Variants in ABCG1 observed in about 807,000 individuals in gnomAD.
ABCG1 encodes ATP-binding cassette sub-family G member 1.
Under a neutral mutation model 69.2 loss-of-function variants are expected in ABCG1, and 29 were observed. The ratio of observed to expected loss-of-function variants is 0.42; its 90% CI spans 0.31 to 0.57. The LOEUF is 0.57. Ranked by LOEUF, ABCG1 falls within the 20% of genes least tolerant of loss-of-function variation. ABCG1 has a pLI of 0.15. For synonymous variants in ABCG1, 370 were observed against 374.8 expected, an observed-to-expected ratio of 0.99 and a Z score of 0.15; for missense variants, 718 against 898.1, an observed-to-expected ratio of 0.80 and a Z score of 2.56.
chr21:42,201,644 G>A, exon 2 of ABCG1: 1 of 1,596,606 alleles, frequency 6.3e-7, no homozygotes, highest in Non-Finnish European at 8.5e-7. Context: ...AGACATCAGG[G>A]ATCACCGACT....
intron 2 of ABCG1, among the ~76,000 whole-genome samples, chr21:42,243,152 A>C (rs538314617): frequency 6.6e-6 from 1 of 152,272 alleles, no homozygotes; most frequent in East Asian, 1.9e-4. Context: ...TGGCCTTCAA[A>C]GTCAGCTTTC....
At position 42,255,197 on chromosome 21, in the gene ABCG1, C is replaced by G. The variant is rs905108418; in HGVS notation, c.287-15873C>G. Among the ~76,000 whole-genome samples, 7 of 152,190 alleles carry G rather than the reference C, an allele frequency of 4.6e-5. No individual in the cohort carries two copies. In the East Asian group the frequency reaches 1.3e-3, roughly 29 times the overall value. ...TTTCAGTACCTGCGCAGGGGCAGGGCCCCGTTGCTAGTGATCTGATGAACT... is the reference window on the plus strand; with the variant it reads ...TTTCAGTACCTGCGCAGGGGCAGGGGCCCGTTGCTAGTGATCTGATGAACT... On this transcript the variant is annotated intron_variant, in intron 2 of 14. Transcript: ENST00000398449.
upstream of ABCG1, among the ~76,000 whole-genome samples, chr21:42,217,816 A>G (rs542577417): frequency 1.5e-4 from 23 of 148,914 alleles, no homozygotes; most frequent in African/African-American, 4.2e-4. Flanking sequence ...CTCAGCCTAC[A>G]TAGTAGCTGG....
At chr21:42,237,974 A>G (rs909002744) in intron 2 of ABCG1, among the ~76,000 whole-genome samples, 7 of 152,230 alleles carry the variant, frequency 4.6e-5, no homozygotes, top group African/African-American at 1.4e-4. Flanking sequence ...GGCTGATCCA[A>G]GTGCCAAACT....
chr21:42,207,783 A>T (rs2067554776), intron 2 of ABCG1, among the ~76,000 whole-genome samples: 1 of 152,296 alleles, frequency 6.6e-6, no homozygotes, highest in African/African-American at 2.4e-5. Context: ...ATACCTCCCT[A>T]GCTGGGGGAG....
Position 42,235,390 on chromosome 21 carries a change from T to G in ABCG1, c.286+9476T>G, listed in dbSNP as rs915124289. Among the ~76,000 whole-genome samples, 67 of 151,970 alleles carry G rather than the reference T, an allele frequency of 4.4e-4. 1 individual carries two copies. Among genetic ancestry groups the G allele is most frequent in the African/African-American group, 1.6e-3 (66 of 41,360 alleles). ...CAGACTCCAGTTTAAATCAGAGAGGTGTGTCCACGAAAAGAGTCAAACTAA... is the reference window on the plus strand; with the variant it reads ...CAGACTCCAGTTTAAATCAGAGAGGGGTGTCCACGAAAAGAGTCAAACTAA... On this transcript the variant is annotated intron_variant, in intron 2 of 14. Transcript: ENST00000398449.
chr21:42,213,300 C>A (rs1417305015), upstream of ABCG1, among the ~76,000 whole-genome samples: 2 of 152,256 alleles, frequency 1.3e-5, no homozygotes, highest in African/African-American at 4.8e-5. Context: ...TCGGCACCTG[C>A]TGCAGTGTGT....
At position 42,200,448 on chromosome 21, in the gene ABCG1, C is replaced by G. The variant is rs78369129; in HGVS notation, c.-100+599C>G. ...GGAAGTGTGGGGCTTTGATTTGCAA[C>G]CTTTTTACGTGCAGTCTTCATATAT... On this transcript the variant is annotated intron_variant, in intron 1 of 15. Coordinates refer to the ABCG1 transcript ENST00000398457. Among the ~76,000 whole-genome samples, 4 of 152,246 alleles carry G rather than the reference C, an allele frequency of 2.6e-5. No homozygotes were observed. The South Asian group carries it at 8.3e-4, about 32-fold the overall frequency.
chr21:42,210,057 G>GCGC (rs1569200690), intron 2 of ABCG1, among the ~76,000 whole-genome samples: 1 of 151,756 alleles, frequency 6.6e-6, no homozygotes. Context: ...CACTTCCTTC[G>GCGC]TCTCCGGCTC....
At position 42,291,019 on chromosome 21, in the gene ABCG1, C is replaced by G. The variant is rs563741326; in HGVS notation, c.1394-73C>G. 2.7e-6 allele frequency: 3 copies of G among 1,115,332 alleles called. No individual in the cohort carries two copies. Among genetic ancestry groups the G allele is most frequent in the East Asian group, 2.4e-5 (1 of 41,858 alleles). 69.1% of individuals were successfully genotyped at this position (1,115,332 alleles called of 1,614,324 possible). ...GGTTACCAGCCGCTCAGCTCAAGAT[C>G]GCCTGTTGGGATGTTAAACGGGCTC... On this transcript the variant is annotated intron_variant, in intron 11 of 14. Transcript: ENST00000398449. This position sits in a 1 kb window ranked among gnomAD's most constrained non-coding sequence, Gnocchi z 6.4.
intron 2 of ABCG1, among the ~76,000 whole-genome samples, chr21:42,266,757 T>C (rs140371597): frequency 6.6e-6 from 1 of 152,262 alleles, no homozygotes; most frequent in East Asian, 1.9e-4. Context: ...CTTTCTAGGG[T>C]AATTAAGACT....
rs1280894513 is a variant in ABCG1 at position 42,288,206 on chromosome 21, C to T, written c.1123-5C>T. On this transcript the variant is annotated splice_region_variant and splice_polypyrimidine_tract_variant and intron_variant, in intron 9 of 14. Transcript: ENST00000398449. This position sits in a 1 kb window ranked among gnomAD's most constrained non-coding sequence, Gnocchi z 4.8. The stretch of plus-strand genomic sequence containing the variant: ...CACCCGCTCCCCTCTTGCGTGTGTC[C>T]TCAGGACTCCTCGTCCATGGAAGGC... 32 of 1,613,986 alleles carry T rather than the reference C, an allele frequency of 2.0e-5. No homozygotes were observed. The Admixed American group carries it at 3.3e-4, about 17-fold the overall frequency.
At chr21:42,266,618 A>G (rs558373557) in intron 2 of ABCG1, among the ~76,000 whole-genome samples, 58 of 152,248 alleles carry the variant, frequency 3.8e-4, no homozygotes, top group African/African-American at 1.2e-3. Context: ...GCACTCTTCT[A>G]TCCTCCTCCC....
intron 2 of ABCG1, among the ~76,000 whole-genome samples, chr21:42,241,034 A>G (rs1361359551): frequency 1.3e-5 from 2 of 152,248 alleles, no homozygotes; most frequent in African/African-American, 4.8e-5. Flanking sequence ...GAGGCTTGGG[A>G]TCTGGAATGG....
chr21:42,267,969 C>T lies in ABCG1; in HGVS notation c.287-3101C>T, dbSNP rs186555821. 9.9e-4 allele frequency among the ~76,000 whole-genome samples: 150 copies of T among 152,076 alleles called. 1 individual carries two copies. The highest frequency in any genetic ancestry group is 3.4e-3 in the Middle Eastern group (1 of 294). ...CTGTCTAAGTTCTGGTCTGGCTGTT[C>T]TAGTCTGCGGCTCTGGTCTGGCCTG... On this transcript the variant is annotated intron_variant, in intron 2 of 14. Coordinates refer to ENST00000398449, the MANE Select transcript of ABCG1 (RefSeq NM_016818.3).
intron 4 of ABCG1, among the ~76,000 whole-genome samples, chr21:42,275,995 CCG>C (rs1569231951): frequency 7.2e-6 from 1 of 139,330 alleles, no homozygotes; most frequent in Non-Finnish European, 1.6e-5. Flanking sequence ...GCCCCACACC[CCG>C]CCCCCCTCCC....
At chr21:42,237,301 C>T (rs1295392327) in intron 2 of ABCG1, among the ~76,000 whole-genome samples, 2 of 152,228 alleles carry the variant, frequency 1.3e-5, no homozygotes, top group Middle Eastern at 3.2e-3. Flanking sequence ...CCCAGCCCTG[C>T]GTCTCCGCAG....
At chr21:42,207,569 G>A (rs1168380732) in intron 2 of ABCG1, among the ~76,000 whole-genome samples, 1 of 152,180 alleles carries the variant, frequency 6.6e-6, no homozygotes, top group African/African-American at 2.4e-5. Flanking sequence ...CTTTGCATTG[G>A]CATGCATTGA....
chr21:42,275,607 A>C (rs2068695662), intron 4 of ABCG1, among the ~76,000 whole-genome samples: 1 of 152,176 alleles, frequency 6.6e-6, no homozygotes, highest in South Asian at 2.1e-4. Flanking sequence ...GAGACCCTTC[A>C]CTGGGACCGC....
Sources: gnomAD v4.1 joint callset for allele counts (sites outside exome capture counted in the v4.1 genomes callset) on GRCh38, gnomAD v4.1.1 for gene constraint, Gnocchi (gnomAD v3.1) non-coding constraint, MANE v1.5 for transcripts, NCBI Gene and HGNC (gene_info 2026-07-23, HGNC 2026-07-21) for gene names.